CCDC102B: variants seen among roughly 807,000 people sequenced by gnomAD.
The protein encoded by CCDC102B is coiled-coil domain containing 102B, also known as coiled-coil domain-containing protein 102B.
In CCDC102B, 75 loss-of-function variants were observed where a neutral mutation model predicts 57.4. The ratio of observed to expected loss-of-function variants is 1.31; its 90% confidence interval spans 1.08 to 1.58. CCDC102B has a LOEUF of 1.58. Ranked by LOEUF, CCDC102B falls within the 40% of genes most tolerant of loss-of-function variation. The pLI is 0.00. For missense variants in CCDC102B, 636 were observed against 582.6 expected, an observed-to-expected ratio of 1.09 and a Z score of -0.94; for synonymous variants, 206 against 201.9, an observed-to-expected ratio of 1.02 and a Z score of -0.17.
At chr18:68,876,483 G>A (rs990637300) in intron 5 of CCDC102B, among the ~76,000 whole-genome samples, 2 of 152,110 alleles carry the variant, frequency 1.3e-5, no homozygotes, top group African/African-American at 2.4e-5. Context: ...TGACATGAAG[G>A]ATATTGTATA....
chr18:69,050,781 G>A (rs578252116), intron 7 of CCDC102B, among the ~76,000 whole-genome samples: 50 of 152,102 alleles, frequency 3.3e-4, no homozygotes, highest in South Asian at 2.1e-3. Flanking sequence ...AAATAAAATG[G>A]AGTTTATTTT....
At chr18:68,734,314 G>GT (rs1017953536) in intron 2 of CCDC102B, among the ~76,000 whole-genome samples, 13 of 152,202 alleles carry the variant, frequency 8.5e-5, no homozygotes, top group South Asian at 2.1e-4. Flanking sequence ...CTGTCTGTAA[G>GT]TTTTTTTTAT....
intron 2 of CCDC102B, among the ~76,000 whole-genome samples, chr18:68,768,761 TTTAA>T (rs1481009748): frequency 5.9e-5 from 9 of 151,936 alleles, no homozygotes; most frequent in South Asian, 4.1e-4. Context: ...TCTTATTTTA[TTTAA>T]TTAATATTTA....
intron 4 of CCDC102B, among the ~76,000 whole-genome samples, chr18:68,864,477 TTTTATTTC>T (rs1431411184): frequency 4.6e-5 from 7 of 152,040 alleles, no homozygotes; most frequent in African/African-American, 1.7e-4. Flanking sequence ...TGATTTTTTC[TTTTATTTC>T]TAATTCTTTC....
intron 2 of CCDC102B, among the ~76,000 whole-genome samples, chr18:68,763,416 A>C (rs2034318615): frequency 6.6e-6 from 1 of 152,146 alleles, no homozygotes; most frequent in Non-Finnish European, 1.5e-5. Context: ...AGGAGAGGAT[A>C]AAAGAGTCAA....
At chr18:69,030,876 A>G (rs1483818938) in intron 7 of CCDC102B, among the ~76,000 whole-genome samples, 1 of 152,146 alleles carries the variant, frequency 6.6e-6, no homozygotes, top group Non-Finnish European at 1.5e-5. Flanking sequence ...GCTGGTTTCC[A>G]GCTCCTGACC....
chr18:68,819,214 T>C lies in CCDC102B; in HGVS notation c.-15-17535T>C, dbSNP rs537965007. Among the ~76,000 whole-genome samples, 7 of 152,270 alleles carry C rather than the reference T, an allele frequency of 4.6e-5. No homozygotes were observed. The East Asian group carries it at 1.3e-3, about 29-fold the overall frequency. ...CATGAATGATTTTTCTTAGATGACT[T>C]CTAGGAGGTTTATAGTTTTGTTTTA... On this transcript the variant is annotated intron_variant, in intron 1 of 7. Coordinates refer to ENST00000360242, the MANE Select transcript of CCDC102B (RefSeq NM_024781.3).
At chr18:68,949,967 T>C (rs1379448816) in intron 6 of CCDC102B, among the ~76,000 whole-genome samples, 1 of 152,142 alleles carries the variant, frequency 6.6e-6, no homozygotes, top group Non-Finnish European at 1.5e-5. Flanking sequence ...CTAAGAGATA[T>C]CACCAACCAG....
At chr18:68,774,422 T>C (rs542137982) in intron 2 of CCDC102B, among the ~76,000 whole-genome samples, 75 of 152,150 alleles carry the variant, frequency 4.9e-4, no homozygotes, top group Middle Eastern at 3.4e-3. Flanking sequence ...GTATCTCTTT[T>C]CTCCGTGTTG....
chr18:68,857,073 T>A (rs1225805977), intron 4 of CCDC102B, among the ~76,000 whole-genome samples: 5 of 119,004 alleles, frequency 4.2e-5, no homozygotes, highest in Admixed American at 1.1e-4. Context: ...TTTTATATAT[T>A]ATATATAAAT....
At chr18:69,013,417 C>T (rs536903581) in intron 7 of CCDC102B, among the ~76,000 whole-genome samples, 10 of 152,042 alleles carry the variant, frequency 6.6e-5, no homozygotes, top group South Asian at 2.1e-4. Context: ...ATTACCTCAA[C>T]GGTAAAATGT....
rs1012367685 is a variant in CCDC102B at position 68,897,201 on chromosome 18, T to G, written c.1054-18T>G. ...TTGCAAATGCTGCATGCTGCTTCTT[T>G]GTGTTTTCTGTGTGTAGCTAGAGAG... On this transcript the variant is annotated intron_variant, in intron 5 of 7. Transcript: ENST00000360242. 3.8e-6 allele frequency: 6 copies of G among 1,594,978 alleles called. No homozygotes were observed. Among genetic ancestry groups the G allele is most frequent in the African/African-American group, 1.4e-5 (1 of 73,764 alleles).
chr18:68,862,993 T>C (rs1307082533), intron 4 of CCDC102B, among the ~76,000 whole-genome samples: 2 of 151,880 alleles, frequency 1.3e-5, no homozygotes, highest in Non-Finnish European at 2.9e-5. Context: ...AGAGACTTAC[T>C]TATCACTAAA....
chr18:68,892,742 G>A (rs2040123079), intron 5 of CCDC102B, among the ~76,000 whole-genome samples: 1 of 152,114 alleles, frequency 6.6e-6, no homozygotes, highest in Non-Finnish European at 1.5e-5. Flanking sequence ...TTACAAAACA[G>A]ACATCTAAAT....
chr18:68,886,271 A>C (rs2039880023), intron 5 of CCDC102B, among the ~76,000 whole-genome samples: 1 of 152,038 alleles, frequency 6.6e-6, no homozygotes, highest in South Asian at 2.1e-4. Flanking sequence ...AGGACAAATA[A>C]TACCATATAT....
At chr18:68,892,981 G>C (rs1467144952) in intron 5 of CCDC102B, among the ~76,000 whole-genome samples, 1 of 152,280 alleles carries the variant, frequency 6.6e-6, no homozygotes, top group East Asian at 1.9e-4. Context: ...ATTCACATTG[G>C]TTTTAGGTGA....
At chr18:68,891,975 G>A (rs1231611038) in intron 5 of CCDC102B, among the ~76,000 whole-genome samples, 1 of 152,142 alleles carries the variant, frequency 6.6e-6, no homozygotes, top group Non-Finnish European at 1.5e-5. Flanking sequence ...TGGGTTCTAT[G>A]GGAGAAAGTG....
At chr18:69,053,875 A>G (rs924551566) in intron 7 of CCDC102B, among the ~76,000 whole-genome samples, 155 bp from the exon 8 acceptor site, 3 of 151,998 alleles carry the variant, frequency 2.0e-5, no homozygotes, top group African/African-American at 7.2e-5. Flanking sequence ...TAATATATGT[A>G]CTATTTCAAA....
At chr18:68,964,107 A>G (rs2050113052) in intron 6 of CCDC102B, among the ~76,000 whole-genome samples, 2 of 151,890 alleles carry the variant, frequency 1.3e-5, no homozygotes, top group African/African-American at 4.8e-5. Flanking sequence ...ATAACCACAA[A>G]TGTATCTTCT....
Sources: gnomAD v4.1 joint callset for allele counts (sites outside exome capture counted in the v4.1 genomes callset) on GRCh38, gnomAD v4.1.1 for gene constraint, MANE v1.5 for transcripts, NCBI Gene and HGNC (gene_info 2026-07-23, HGNC 2026-07-21) for gene names.